LAMA3: variants seen among roughly 807,000 people sequenced by gnomAD.
LAMA3 encodes the protein laminin subunit alpha 3, also known as laminin subunit alpha-3.
In LAMA3, 281 loss-of-function variants were observed where a neutral mutation model predicts 402.0. That is an observed-to-expected ratio of 0.70 (90% CI 0.63 to 0.77). LAMA3 has a LOEUF of 0.77. LAMA3 is among the 30% of genes least tolerant of loss of function. The pLI is 0.00. For missense variants in LAMA3, 3,840 were observed against 4,215.5 expected (o/e 0.91, Z 2.47); for synonymous variants, 1,431 against 1,558.4 (o/e 0.92, Z 1.93).
intron 32 of LAMA3, 39 bp downstream of exon 32, chr18:23,847,707 G>A (rs771293173): frequency 8.9e-6 from 14 of 1,581,734 alleles, no homozygotes; most frequent in Non-Finnish European, 1.1e-5. Flanking sequence ...CTGTCACAGG[G>A]AGGTCGCGTG....
intron 70 of LAMA3, 77 bp from the exon 71 acceptor site, chr18:23,949,688 A>T (rs1482669825): frequency 7.2e-7 from 1 of 1,387,640 alleles, no homozygotes; most frequent in African/African-American, 1.4e-5. Flanking sequence ...GACAAGCTGC[A>T]GTGCCCTTCG....
At chr18:23,781,615 A>G (rs2062440100) in intron 11 of LAMA3, among the ~76,000 whole-genome samples, 1 of 152,220 alleles carries the variant, frequency 6.6e-6, no homozygotes, top group Non-Finnish European at 1.5e-5. Flanking sequence ...GGCTAGTGGC[A>G]CTACATTGTG....
chr18:23,884,859 G>C lies in LAMA3; in HGVS notation c.5303+6G>C, dbSNP rs766646251. 5.0e-6 allele frequency: 8 copies of C among 1,606,074 alleles called. No homozygotes were observed. In the South Asian group the frequency reaches 8.9e-5, roughly 18 times the overall value. On this transcript the variant is annotated splice_donor_region_variant and intron_variant, in intron 41 of 74. Coordinates refer to ENST00000313654, the MANE Select transcript of LAMA3 (RefSeq NM_198129.4). The stretch of plus-strand genomic sequence containing the variant: ...ACAGGAACACAGTGTGAAAGGTAAG[G>C]TGGGCGCCCCTCCCGCCTCAGCCTG...
At chr18:23,826,098 G>C (rs550292630) in intron 21 of LAMA3, among the ~76,000 whole-genome samples, 78 of 152,290 alleles carry the variant, frequency 5.1e-4, no homozygotes, top group Non-Finnish European at 9.4e-4. Context: ...ACGGCTAGGG[G>C]CTGTCAATCA....
intron 6 of LAMA3, among the ~76,000 whole-genome samples, 154 bp downstream of exon 6, chr18:23,753,966 C>G (rs569307446): frequency 6.6e-6 from 1 of 152,128 alleles, no homozygotes; most frequent in Admixed American, 6.5e-5. Flanking sequence ...GCCTCCTCTC[C>G]ACCAACTCTC....
At chr18:23,856,619 C>T (rs2064085870) in intron 32 of LAMA3, among the ~76,000 whole-genome samples, 1 of 152,128 alleles carries the variant, frequency 6.6e-6, no homozygotes, top group Admixed American at 6.5e-5. Flanking sequence ...CTGCCCGGAT[C>T]TTCAGTTAAA....
rs1325198951 is a variant in LAMA3 at position 23,827,470 on chromosome 18, G to A, written c.2823+3G>A. On this transcript the variant is annotated splice_donor_region_variant and intron_variant, in intron 23 of 74. Transcript: ENST00000313654. Reference sequence around the variant, plus strand: ...TGGTGGACCTCAGCGGGAGAGAGGTGGGCCAGCCTTTTATTTATTATCAAA... The same window carrying A: ...TGGTGGACCTCAGCGGGAGAGAGGTAGGCCAGCCTTTTATTTATTATCAAA... The A allele has an allele frequency of 6.2e-7, 1 of 1,613,928 alleles. No individual in the cohort carries two copies. Among genetic ancestry groups the A allele is most frequent in the East Asian group, 2.2e-5 (1 of 44,878 alleles).
At chr18:23,825,109 C>T (rs1220492303) in intron 21 of LAMA3, among the ~76,000 whole-genome samples, 1 of 152,168 alleles carries the variant, frequency 6.6e-6, no homozygotes, top group Non-Finnish European at 1.5e-5. Flanking sequence ...ACTGCTTCTC[C>T]ATGACACTCT....
chr18:23,710,477 T>C (rs891126995), intron 1 of LAMA3, among the ~76,000 whole-genome samples: 3 of 152,334 alleles, frequency 2.0e-5, no homozygotes, highest in East Asian at 1.9e-4. Flanking sequence ...AGGTAGCATG[T>C]CCACGTCGAC....
intron 62 of LAMA3, among the ~76,000 whole-genome samples, chr18:23,926,058 G>A (rs1331807596): frequency 6.6e-6 from 1 of 152,158 alleles, no homozygotes; most frequent in Non-Finnish European, 1.5e-5. Context: ...TAGGGTGGTT[G>A]GAAGATTCAG....
intron 6 of LAMA3, among the ~76,000 whole-genome samples, chr18:23,756,031 TC>T (rs2061836923): frequency 6.6e-6 from 1 of 152,184 alleles, no homozygotes; most frequent in African/African-American, 2.4e-5. Context: ...CTTGAAGCAG[TC>T]TTCCCTAAAT....
intron 40 of LAMA3, among the ~76,000 whole-genome samples, chr18:23,884,479 C>A (rs1382703710): frequency 6.6e-6 from 1 of 152,134 alleles, no homozygotes; most frequent in Non-Finnish European, 1.5e-5. Context: ...CTGTTGTAAT[C>A]ATCTCTTCCA....
At chr18:23,857,078 T>C (rs1452320500) in intron 32 of LAMA3, among the ~76,000 whole-genome samples, 3 of 152,150 alleles carry the variant, frequency 2.0e-5, no homozygotes, top group Non-Finnish European at 2.9e-5. Context: ...GCCTCATGGG[T>C]TCCCAGCAAT....
intron 2 of LAMA3, among the ~76,000 whole-genome samples, chr18:23,737,027 C>T (rs571774449): frequency 6.6e-6 from 1 of 152,242 alleles, no homozygotes; most frequent in South Asian, 2.1e-4. Context: ...CCCCCACCCC[C>T]ACCACTAGTC....
At chr18:23,937,940 T>C (rs992918935) in intron 67 of LAMA3, among the ~76,000 whole-genome samples, 2 of 152,172 alleles carry the variant, frequency 1.3e-5, no homozygotes, top group Non-Finnish European at 2.9e-5. Context: ...CTTTAGCTGC[T>C]GAATCAGAAA....
intron 12 of LAMA3, among the ~76,000 whole-genome samples, chr18:23,787,649 G>T (rs1242288579): frequency 2.0e-5 from 3 of 152,138 alleles, no homozygotes; most frequent in African/African-American, 7.2e-5. Context: ...AACAATAGAG[G>T]CAAGAAGGCA....
chr18:23,847,538 C>G lies in LAMA3; in HGVS notation c.4006C>G (p.Gln1336Glu). 1 of 1,614,094 alleles carries G rather than the reference C, an allele frequency of 6.2e-7. No individual in the cohort carries two copies. The highest frequency in any genetic ancestry group is 8.5e-7 in the Non-Finnish European group (1 of 1,180,054). Residue 1336 changes from glutamine to glutamate, a missense_variant, in exon 32 of 75, where the codon CAG becomes GAG. Around this residue, in one of 3 missense-constraint regions of LAMA3, gnomAD observed 2,109 missense variants for 2,376.0 expected, o/e 0.89. Transcript: ENST00000313654. ...CRCPPRTVRP[Q>E]CEVCETHSFS... ...CTGCCCTCCCCGCACGGTCAGGCCC[C>G]AGTGTGAGGTGTGTGAGACACACTC... is the stretch of plus-strand genomic sequence containing the variant.
intron 62 of LAMA3, among the ~76,000 whole-genome samples, chr18:23,925,269 C>T (rs1195193315): frequency 6.6e-6 from 1 of 152,220 alleles, no homozygotes; most frequent in African/African-American, 2.4e-5. Context: ...TCTTCCCCCT[C>T]TCACTGTAGT....
chr18:23,899,602 T>G lies in LAMA3; in HGVS notation c.6004+147T>G, dbSNP rs999283132. On this transcript the variant is annotated intron_variant, in intron 47 of 74. Coordinates refer to ENST00000313654, the MANE Select transcript of LAMA3 (RefSeq NM_198129.4). Reference sequence around the variant, plus strand: ...CTGTTAGAGCATCACGTGGTGAAAATTGGTAGCCCCCAGGAGTCCCAGGTT... The same window carrying G: ...CTGTTAGAGCATCACGTGGTGAAAAGTGGTAGCCCCCAGGAGTCCCAGGTT... The G allele has an allele frequency of 6.0e-6, 5 of 839,856 alleles. No individual in the cohort carries two copies. In the Admixed American group the frequency reaches 8.2e-5, roughly 14 times the overall value. The allele number at this position is 839,856 out of a possible 1,614,324, so 52.0% of individuals were successfully genotyped here. A position where few individuals can be genotyped will look rare whatever the true frequency, so the allele number is the denominator to read the frequency against.
Sources: gnomAD v4.1 joint callset for allele counts (sites outside exome capture counted in the v4.1 genomes callset) on GRCh38, gnomAD v4.1.1 for gene constraint, gnomAD v4.1.1 regional missense constraint, MANE v1.5 for transcripts, NCBI Gene and HGNC (gene_info 2026-07-23, HGNC 2026-07-21) for gene names.